ERP27: variants seen among roughly 807,000 people sequenced by gnomAD.
The protein encoded by ERP27 is endoplasmic reticulum protein 27.
ERP27 carries 23 observed loss-of-function variants against 27.7 expected under a neutral mutation model. That is an observed-to-expected ratio of 0.83 (90% CI 0.60 to 1.18). The LOEUF (loss-of-function observed/expected upper bound fraction) is 1.18, where lower values mean the gene tolerates loss of function less well. ERP27 is among the 50% of genes most tolerant of loss of function. ERP27 has a pLI of 0.00. For missense variants in ERP27, 363 were observed against 327.9 expected (o/e 1.11, Z -0.83); for synonymous variants, 159 against 118.3 (o/e 1.34, Z -2.23).
intron 4 of ERP27, among the ~76,000 whole-genome samples, chr12:14,919,938 T>C (rs1863474590): frequency 1.3e-5 from 2 of 151,744 alleles, no homozygotes; most frequent in Admixed American, 6.6e-5. Flanking sequence ...TAATTTCCTC[T>C]CTTCTACCTC....
chr12:14,918,402 A>T (rs1448579302), intron 4 of ERP27, among the ~76,000 whole-genome samples: 1 of 152,162 alleles, frequency 6.6e-6, no homozygotes, highest in Non-Finnish European at 1.5e-5. Context: ...CTGATTAGAG[A>T]TGGTGATTTT....
At chr12:14,921,476 T>C (rs772482858) in intron 3 of ERP27, among the ~76,000 whole-genome samples, 1 of 152,184 alleles carries the variant, frequency 6.6e-6, no homozygotes, top group African/African-American at 2.4e-5. Context: ...GATGTGAGGG[T>C]TGCAGAGAGA....
chr12:14,918,569 CT>C (rs140723145), intron 4 of ERP27, among the ~76,000 whole-genome samples: 21,847 of 152,206 alleles, frequency 0.14, 1,675 homozygotes, highest in South Asian at 0.21. Flanking sequence ...CTTTTCACCT[CT>C]CCTAAATTCA....
At chr12:14,914,916 T>A in intron 6 of ERP27, 134 bp from the exon 7 acceptor site, 2 of 688,084 alleles carry the variant, frequency 2.9e-6, no homozygotes, top group South Asian at 2.0e-5. Context: ...ATTAATGCTT[T>A]ACACTAAATG....
At chr12:14,917,059 C>T in intron 5 of ERP27, 119 bp downstream of exon 5, 2 of 1,190,662 alleles carry the variant, frequency 1.7e-6, no homozygotes, top group Non-Finnish European at 2.4e-6. Context: ...CTACTTCTTG[C>T]TTTGCTATCT....
intron 3 of ERP27, among the ~76,000 whole-genome samples, chr12:14,932,153 G>T (rs1565453538): frequency 6.6e-6 from 1 of 152,122 alleles, no homozygotes; most frequent in Non-Finnish European, 1.5e-5. Context: ...TGAATACAAA[G>T]ATGAATAAGT....
At chr12:14,931,440 T>C (rs1863695716) in intron 3 of ERP27, among the ~76,000 whole-genome samples, 1 of 151,604 alleles carries the variant, frequency 6.6e-6, no homozygotes, top group Non-Finnish European at 1.5e-5. Context: ...TTTGAAAGTG[T>C]AAACTGTGAA....
At chr12:14,924,320 A>G (rs1863563706) in intron 3 of ERP27, among the ~76,000 whole-genome samples, 1 of 152,182 alleles carries the variant, frequency 6.6e-6, no homozygotes, top group South Asian at 2.1e-4. Flanking sequence ...TATTGTGAAT[A>G]GTGCTGCAAT....
At chr12:14,935,235 C>A in intron 2 of ERP27, 1 of 798,882 alleles carries the variant, frequency 1.3e-6, no homozygotes, top group Non-Finnish European at 1.5e-6. Flanking sequence ...CCTGTCAGGC[C>A]TTGTCATAGA....
At chr12:14,929,024 T>C (rs1434874443) in intron 3 of ERP27, 7 of 1,535,218 alleles carry the variant, frequency 4.6e-6, no homozygotes, top group Admixed American at 2.0e-5. Flanking sequence ...ATTATCATCA[T>C]AATCAGGACT....
At chr12:14,922,058 C>T (rs1283841153) in intron 3 of ERP27, among the ~76,000 whole-genome samples, 1 of 152,174 alleles carries the variant, frequency 6.6e-6, no homozygotes, top group African/African-American at 2.4e-5. Context: ...CATTTTACTA[C>T]TGATGAACAT....
At chr12:14,918,290 C>A (rs1433483713) in intron 4 of ERP27, among the ~76,000 whole-genome samples, 1 of 152,282 alleles carries the variant, frequency 6.6e-6, no homozygotes, top group South Asian at 2.1e-4. Context: ...GATAGCAAAA[C>A]CCCATATAAA....
chr12:14,923,528 T>TATCTATC (rs1863547144), intron 3 of ERP27, among the ~76,000 whole-genome samples: 1 of 151,774 alleles, frequency 6.6e-6, no homozygotes, highest in Non-Finnish European at 1.5e-5. Context: ...TCTATCTATC[T>TATCTATC]ATCTATCTAT....
chr12:14,936,206 A>G (rs1324911944), intron 2 of ERP27, among the ~76,000 whole-genome samples: 1 of 152,234 alleles, frequency 6.6e-6, no homozygotes, highest in Non-Finnish European at 1.5e-5. Flanking sequence ...AAAAAAGAAG[A>G]AAAATAAAAC....
intron 3 of ERP27, among the ~76,000 whole-genome samples, chr12:14,921,523 T>G (rs1422475387): frequency 6.6e-6 from 1 of 152,134 alleles, no homozygotes; most frequent in Non-Finnish European, 1.5e-5. Context: ...AATTTGGAAG[T>G]GTTCTGAAGC....
chr12:14,931,590 T>C (rs1863697627), intron 3 of ERP27, among the ~76,000 whole-genome samples: 1 of 152,152 alleles, frequency 6.6e-6, no homozygotes, highest in African/African-American at 2.4e-5. Context: ...AAGAGTTCAT[T>C]TAGACTAGGT....
rs73300938 is a variant in ERP27 at position 14,914,469 on chromosome 12, G to A, written c.*266C>T. On this transcript the variant is annotated 3_prime_UTR_variant, in exon 7 of 7. Coordinates refer to ENST00000266397, the MANE Select transcript of ERP27 (RefSeq NM_152321.4). ...ATGGGCTTACAGAGTATGAATGCAC[G>A]ATAAGAAGGAAATTGGATAGGGAGT... The A allele has an allele frequency of 0.028, 13,178 of 466,180 alleles. 781 individuals are homozygous for A. Among genetic ancestry groups the A allele is most frequent in the African/African-American group, 0.16 (7,975 of 51,062 alleles). 28.9% of individuals were successfully genotyped at this position (466,180 alleles called of 1,614,324 possible). A position where few individuals can be genotyped will look rare whatever the true frequency, so the allele number is the denominator to read the frequency against.
At chr12:14,929,178 C>T in intron 3 of ERP27, 1 of 1,341,122 alleles carries the variant, frequency 7.5e-7, no homozygotes, top group African/African-American at 1.5e-5. Flanking sequence ...GTCCTTCATA[C>T]TTCCCAGAAC....
chr12:14,929,238 A>T (rs1210832765), intron 3 of ERP27: 7 of 878,088 alleles, frequency 8.0e-6, no homozygotes, highest in African/African-American at 5.1e-5. Flanking sequence ...GACTTAAAGA[A>T]TGCACTAAAT....
Sources: allele counts gnomAD v4.1 joint callset (sites outside exome capture counted in the v4.1 genomes callset), GRCh38; gene constraint gnomAD v4.1.1; transcripts MANE v1.5; gene names NCBI Gene and HGNC (gene_info 2026-07-23, HGNC 2026-07-21).